The following CYTH3 variants were observed in gnomAD, a reference collection of about 807,000 sequenced individuals.
The protein encoded by CYTH3 is cytohesin-3.
A neutral mutation model predicts 55.1 loss-of-function variants in CYTH3; 23 were observed. That is an observed-to-expected ratio of 0.42 (90% CI 0.30 to 0.59). CYTH3 has a LOEUF of 0.59. Ranked by LOEUF, CYTH3 falls within the 20% of genes least tolerant of loss-of-function variation. CYTH3 has a pLI of 0.20. For missense variants in CYTH3, 413 were observed against 524.8 expected (o/e 0.79, Z 2.08); for synonymous variants, 249 against 194.9 (o/e 1.28, Z -2.31).
At chr7:6,202,724 G>A (rs1319535367) in intron 1 of CYTH3, among the ~76,000 whole-genome samples, 4 of 152,192 alleles carry the variant, frequency 2.6e-5, no homozygotes, top group Admixed American at 1.3e-4. Flanking sequence ...CTCCCAAAGT[G>A]CTGGGATTAC....
intron 1 of CYTH3, among the ~76,000 whole-genome samples, chr7:6,216,051 T>C (rs1010128662): frequency 6.6e-6 from 1 of 151,902 alleles, no homozygotes; most frequent in African/African-American, 2.4e-5. Context: ...CTAGCGGGAG[T>C]TCTCTAACTA....
At position 6,173,737 on chromosome 7, in the gene CYTH3, G is replaced by A. The variant is rs1454269181; in HGVS notation, c.369-4C>T. The A allele has an allele frequency of 3.2e-6, 5 of 1,577,166 alleles. No individual in the cohort carries two copies. Among genetic ancestry groups the A allele is most frequent in the African/African-American group, 2.7e-5 (2 of 74,162 alleles). ...AACTTTAATATTAAATTCATCCCTGGGAAAAAAAGAAGTAAGTTTCAAACC... is the reference window on the plus strand; with the variant it reads ...AACTTTAATATTAAATTCATCCCTGAGAAAAAAAGAAGTAAGTTTCAAACC... On this transcript the variant is annotated splice_polypyrimidine_tract_variant and splice_region_variant and intron_variant, in intron 5 of 12. Coordinates refer to ENST00000350796, the MANE Select transcript of CYTH3 (RefSeq NM_004227.4).
intron 1 of CYTH3, among the ~76,000 whole-genome samples, chr7:6,259,817 T>TA (rs1371977278): frequency 4.6e-4 from 12 of 26,108 alleles, no homozygotes; most frequent in East Asian, 1.1e-3. Flanking sequence ...ATATATAATA[T>TA]ATATATATAT....
At chr7:6,229,569 G>A (rs1171755576) in intron 1 of CYTH3, among the ~76,000 whole-genome samples, 1 of 151,750 alleles carries the variant, frequency 6.6e-6, no homozygotes, top group Non-Finnish European at 1.5e-5. Flanking sequence ...CAGCACTTTG[G>A]GAGGCCAAGG....
In CYTH3 at chr7:6,168,221, T is replaced by A. The variant is rs374999087; in HGVS notation, c.823+2314A>T. Reference sequence around the variant, plus strand: ...CTCGGATTGGGCCACCTCCTAGGATTTTTTTTTTTTTTTTTTTTCTGGTGA... The same window carrying A: ...CTCGGATTGGGCCACCTCCTAGGATATTTTTTTTTTTTTTTTTTCTGGTGA... On this transcript the variant is annotated intron_variant, in intron 9 of 12. Coordinates refer to ENST00000350796, the MANE Select transcript of CYTH3 (RefSeq NM_004227.4). Among the ~76,000 whole-genome samples the A allele has an allele frequency of 3.0e-3, 403 of 135,722 alleles. 1 individual carries two copies. Among genetic ancestry groups the A allele is most frequent in the African/African-American group, 0.011 (389 of 36,852 alleles). 89.0% of individuals were successfully genotyped at this position (135,722 alleles called of 152,430 possible). A position where few individuals can be genotyped will look rare whatever the true frequency, so the allele number is the denominator to read the frequency against.
intron 6 of CYTH3, chr7:6,173,001 T>C: frequency 9.2e-7 from 1 of 1,090,872 alleles, no homozygotes; most frequent in Non-Finnish European, 1.1e-6. Context: ...GGCCTGATTT[T>C]CTTAGTCCAA....
At position 6,259,860 on chromosome 7, in the gene CYTH3, C is replaced by T. The variant is rs540403485; in HGVS notation, c.34+12614G>A. ...TTTTTTTTTTTTTAAGACGGATTTT[C>T]GCTCTTGTTGCCCAGGCTGGAGAGC... On this transcript the variant is annotated intron_variant, in intron 1 of 12. Transcript: ENST00000350796. Among the ~76,000 whole-genome samples, 53 of 99,928 alleles carry T rather than the reference C, an allele frequency of 5.3e-4. No individual in the cohort carries two copies. The East Asian group carries it at 0.015, about 29-fold the overall frequency. 65.6% of individuals were successfully genotyped at this position (99,928 alleles called of 152,430 possible). A position where few individuals can be genotyped will look rare whatever the true frequency, so the allele number is the denominator to read the frequency against.
chr7:6,235,751 C>G (rs991389801), intron 1 of CYTH3, among the ~76,000 whole-genome samples: 2 of 152,110 alleles, frequency 1.3e-5, no homozygotes, highest in Admixed American at 6.5e-5. Flanking sequence ...TCTTGGAAAT[C>G]AAGCAAATTA....
intron 1 of CYTH3, among the ~76,000 whole-genome samples, chr7:6,258,155 C>CA (rs1461371688): frequency 1.3e-5 from 2 of 150,722 alleles, no homozygotes; most frequent in Non-Finnish European, 3.0e-5. Flanking sequence ...CTTTTTTTTC[C>CA]AAAAAATACT....
At chr7:6,186,717 A>T (rs1022607540) in intron 4 of CYTH3, among the ~76,000 whole-genome samples, 1 of 152,144 alleles carries the variant, frequency 6.6e-6, no homozygotes, top group African/African-American at 2.4e-5. Context: ...GTCAAGCGGG[A>T]AGATGCGAAT....
chr7:6,164,679 A>G lies in CYTH3; in HGVS notation c.*265T>C. 1.9e-6 allele frequency: 1 copy of G among 529,584 alleles called. No individual in the cohort carries two copies. The highest frequency in any genetic ancestry group is 3.3e-5 in the Admixed American group (1 of 29,960). The allele number at this position is 529,584 out of a possible 1,614,324, so 32.8% of individuals were successfully genotyped here. A position where few individuals can be genotyped will look rare whatever the true frequency, so the allele number is the denominator to read the frequency against. On this transcript the variant is annotated 3_prime_UTR_variant, in exon 13 of 13. Transcript: ENST00000350796. ...TTCTGGACATGCGCAGCCGACCATGACCCCAGCCACGGCAGGAGGCCTCGA... is the reference window on the plus strand; with the variant it reads ...TTCTGGACATGCGCAGCCGACCATGGCCCCAGCCACGGCAGGAGGCCTCGA...
chr7:6,207,323 T>C (rs546167724), intron 1 of CYTH3, among the ~76,000 whole-genome samples: 64 of 152,190 alleles, frequency 4.2e-4, no homozygotes, highest in African/African-American at 1.4e-3. Flanking sequence ...CTCTATCTCC[T>C]GACCTCGTGA....
Position 6,170,732 on chromosome 7 carries a change from A to G in CYTH3, c.712-86T>C, listed in dbSNP as rs968577006. On this transcript the variant is annotated intron_variant, in intron 8 of 12. Transcript: ENST00000350796. This position sits in a 1 kb window ranked among gnomAD's most constrained non-coding sequence, Gnocchi z 7.8. ...GAAAGCTCAGCGGGACCAGGGCGGC[A>G]AGGAGGCTTGGGAGGCGTGTCTAGA... The G allele has an allele frequency of 6.4e-7, 1 of 1,569,532 alleles. No individual in the cohort carries two copies. The highest frequency in any genetic ancestry group is 1.4e-5 in the African/African-American group (1 of 73,910).
chr7:6,200,009 T>C (rs1377135587), intron 1 of CYTH3, among the ~76,000 whole-genome samples: 8 of 152,176 alleles, frequency 5.3e-5, no homozygotes, highest in African/African-American at 1.9e-4. Flanking sequence ...ATCATTCCCT[T>C]ATTTACCATC....
chr7:6,231,081 C>A lies in CYTH3; in HGVS notation c.35-40550G>T, dbSNP rs1236616875. 5.9e-5 allele frequency among the ~76,000 whole-genome samples: 9 copies of A among 152,296 alleles called. No homozygotes were observed. In the East Asian group the frequency reaches 1.7e-3, roughly 29 times the overall value. ...CCTTTCCCCTCTCACCTGTACTAAC[C>A]CACGCCTTAGACTTCATCAAACACT... is the stretch of plus-strand genomic sequence containing the variant. On this transcript the variant is annotated intron_variant, in intron 1 of 12. Coordinates refer to ENST00000350796, the MANE Select transcript of CYTH3 (RefSeq NM_004227.4).
chr7:6,237,359 G>T (rs1017912923), intron 1 of CYTH3, among the ~76,000 whole-genome samples: 1 of 152,126 alleles, frequency 6.6e-6, no homozygotes, highest in Admixed American at 6.6e-5. Flanking sequence ...CTACACTGAC[G>T]AAATTAGTTA....
intron 4 of CYTH3, among the ~76,000 whole-genome samples, chr7:6,181,784 G>C (rs1023715804): frequency 1.3e-5 from 2 of 152,014 alleles, no homozygotes; most frequent in East Asian, 1.9e-4. Context: ...TTTTCTTGTA[G>C]GTCTCTGCAA....
intron 1 of CYTH3, among the ~76,000 whole-genome samples, chr7:6,264,871 A>C (rs893535584): frequency 1.3e-5 from 2 of 152,248 alleles, no homozygotes. Flanking sequence ...AAGAGAAAAG[A>C]AACAAATATG....
chr7:6,229,648 GAA>G (rs35933979), intron 1 of CYTH3, among the ~76,000 whole-genome samples: 8 of 108,576 alleles, frequency 7.4e-5, no homozygotes, highest in Non-Finnish European at 3.7e-5. Context: ...CGTCTCTACT[GAA>G]AAAAAAAAAA....
Sources: gnomAD v4.1 joint callset for allele counts (sites outside exome capture counted in the v4.1 genomes callset) on GRCh38, gnomAD v4.1.1 for gene constraint, Gnocchi (gnomAD v3.1) non-coding constraint, MANE v1.5 for transcripts, NCBI Gene and HGNC (gene_info 2026-07-23, HGNC 2026-07-21) for gene names.